The following UBE2Q2 variants were observed in gnomAD, a reference collection of about 807,000 sequenced individuals.
UBE2Q2 encodes ubiquitin conjugating enzyme E2 Q2, also known as ubiquitin-conjugating enzyme E2 Q2.
UBE2Q2 carries 54 observed loss-of-function variants against 59.9 expected under a neutral mutation model. The ratio of observed to expected loss-of-function variants is 0.90; its 90% confidence interval spans 0.72 to 1.13. The LOEUF is 1.13. Among genes scored for constraint, UBE2Q2 ranks in the 50% most tolerant of loss-of-function variants. The probability of loss-of-function intolerance (pLI) is 0.00; values close to 1 mark genes in which losing one functional copy is unlikely to be tolerated. For synonymous variants in UBE2Q2, 165 were observed against 155.2 expected, an observed-to-expected ratio of 1.06 and a Z score of -0.47; for missense variants, 433 against 441.9, an observed-to-expected ratio of 0.98 and a Z score of 0.18.
intron 3 of UBE2Q2, among the ~76,000 whole-genome samples, chr15:75,864,336 T>G (rs1321607961): frequency 6.6e-6 from 1 of 152,052 alleles, no homozygotes; most frequent in Non-Finnish European, 1.5e-5. Flanking sequence ...TTTGGAAATA[T>G]CTGGAGCCAT....
chr15:75,874,678 C>A (rs1382689828), intron 5 of UBE2Q2, among the ~76,000 whole-genome samples: 1 of 152,154 alleles, frequency 6.6e-6, no homozygotes, highest in East Asian at 1.9e-4. Context: ...CTTTCCTCAG[C>A]TCTAAAATAT....
intron 8 of UBE2Q2, among the ~76,000 whole-genome samples, chr15:75,879,436 TGTG>T (rs1205089742): frequency 1.3e-5 from 2 of 152,128 alleles, no homozygotes; most frequent in African/African-American, 2.4e-5. Flanking sequence ...AATGGAGAAT[TGTG>T]GTGTTTATAA....
chr15:75,844,764 C>G (rs542939615), intron 1 of UBE2Q2, among the ~76,000 whole-genome samples: 2 of 152,232 alleles, frequency 1.3e-5, no homozygotes. Context: ...GCAGAATATT[C>G]TCTTGGTTAT....
chr15:75,894,846 G>T (rs1246157654), intron 11 of UBE2Q2, among the ~76,000 whole-genome samples: 1 of 151,780 alleles, frequency 6.6e-6, no homozygotes, highest in Non-Finnish European at 1.5e-5. Flanking sequence ...GGAGTTTCAG[G>T]GTATGTATAG....
intron 3 of UBE2Q2, 51 bp from the exon 4 acceptor site, chr15:75,868,900 C>T: frequency 6.5e-7 from 1 of 1,543,876 alleles, no homozygotes; most frequent in Non-Finnish European, 8.9e-7. Flanking sequence ...ATGTACTCAG[C>T]CTGTGCATAT....
At position 75,868,968 on chromosome 15, in the gene UBE2Q2, A is replaced by C. The variant is rs756285020; in HGVS notation, c.405A>C (p.Glu135Asp). Residue 135 changes from glutamate to aspartate, a missense_variant, in exon 4 of 13, where the codon GAA becomes GAC. Physicochemically the swap from Glu to Asp is conservative, Grantham distance 45. Coordinates refer to ENST00000267938, the MANE Select transcript of UBE2Q2 (RefSeq NM_173469.4). Reference sequence around the variant, plus strand: ...TGTTTCAGAATGGGACAACAGAAGAAGTGACTTCAGAAGAAGAGGAAGAAG... The same window carrying C: ...TGTTTCAGAATGGGACAACAGAAGACGTGACTTCAGAAGAAGAGGAAGAAG... ...LPTGQNGTTE[E>D]VTSEEEEEEE... The C allele has an allele frequency of 1.2e-6, 2 of 1,613,010 alleles. No individual in the cohort carries two copies. Among genetic ancestry groups the C allele is most frequent in the Admixed American group, 3.3e-5 (2 of 59,998 alleles).
chr15:75,873,393 G>C lies in UBE2Q2; in HGVS notation c.448-35G>C, dbSNP rs1347925914. ...CATAAGAAACTGCTGAAGAAAAATA[G>C]GTTGAATAAGCTAACATTTTTCGTC... On this transcript the variant is annotated intron_variant, in intron 4 of 12. Coordinates refer to ENST00000267938, the MANE Select transcript of UBE2Q2 (RefSeq NM_173469.4). The C allele has an allele frequency of 2.6e-6, 4 of 1,554,228 alleles. No homozygotes were observed. The African/African-American group carries it at 4.2e-5, about 16-fold the overall frequency.
At chr15:75,871,719 AG>A (rs1897805579) in intron 4 of UBE2Q2, among the ~76,000 whole-genome samples, 2 of 152,330 alleles carry the variant, frequency 1.3e-5, no homozygotes, top group Admixed American at 6.5e-5. Flanking sequence ...CAGAATCTCA[AG>A]GCAGAAGAAT....
rs560881880 is a variant in UBE2Q2 at position 75,851,408 on chromosome 15, G to A, written c.181-2978G>A. Among the ~76,000 whole-genome samples the A allele has an allele frequency of 4.6e-5, 7 of 151,808 alleles. No homozygotes were observed. In the South Asian group the frequency reaches 6.3e-4, roughly 14 times the overall value. On this transcript the variant is annotated intron_variant, in intron 1 of 12. Transcript: ENST00000267938. ...TGCATTGGTCATTTAGAAAATAGTG[G>A]TTCACCGAGATCTTCTAAATGTTGA...
In UBE2Q2 at chr15:75,899,488, T is replaced by C. The variant is rs183725767; in HGVS notation, c.*30T>C. ...GTTGACTGTTGTATGTTTGGACTAA[T>C]GTTGCTTTAAAGAAAATCTTTCTAA... On this transcript the variant is annotated 3_prime_UTR_variant, in exon 13 of 13. Coordinates refer to ENST00000267938, the MANE Select transcript of UBE2Q2 (RefSeq NM_173469.4). 5 of 1,584,096 alleles carry C rather than the reference T, an allele frequency of 3.2e-6. No individual in the cohort carries two copies. In the African/African-American group the frequency reaches 4.1e-5, roughly 13 times the overall value.
intron 6 of UBE2Q2, among the ~76,000 whole-genome samples, chr15:75,877,212 A>G (rs933917149): frequency 1.3e-5 from 2 of 149,890 alleles, no homozygotes; most frequent in Non-Finnish European, 3.0e-5. Context: ...TTCTAGCATT[A>G]TGACCGATTC....
At chr15:75,863,043 G>T (rs911174304) in intron 3 of UBE2Q2, among the ~76,000 whole-genome samples, 1 of 152,136 alleles carries the variant, frequency 6.6e-6, no homozygotes, top group Non-Finnish European at 1.5e-5. Context: ...CTTAGGTTCT[G>T]CTTAAGGAGA....
intron 1 of UBE2Q2, among the ~76,000 whole-genome samples, chr15:75,853,439 C>T (rs184458649): frequency 7.3e-4 from 111 of 151,224 alleles, no homozygotes; most frequent in African/African-American, 2.6e-3. Context: ...CCATGCACTC[C>T]GCCTGGGCCA....
In UBE2Q2 at chr15:75,843,487, C is replaced by G. The variant is rs1011462818; in HGVS notation, c.-180C>G. On this transcript the variant is annotated 5_prime_UTR_variant, in exon 1 of 13. Coordinates refer to ENST00000267938, the MANE Select transcript of UBE2Q2 (RefSeq NM_173469.4). The stretch of plus-strand genomic sequence containing the variant: ...AAAGGAAGCGCCACCCAGGCCGCCA[C>G]ACGCCGAGGCTTCCGCGCCCCTCGC... The G allele has an allele frequency of 1.7e-5, 5 of 291,438 alleles. No individual in the cohort carries two copies. The highest frequency in any genetic ancestry group is 1.1e-4 in the African/African-American group (5 of 44,538). The allele number at this position is 291,438 out of a possible 1,614,324, so 18.1% of individuals were successfully genotyped here. A position where few individuals can be genotyped will look rare whatever the true frequency, so the allele number is the denominator to read the frequency against.
intron 2 of UBE2Q2, among the ~76,000 whole-genome samples, chr15:75,856,253 G>C (rs1484516779): frequency 1.0e-5 from 1 of 98,620 alleles, no homozygotes; most frequent in Non-Finnish European, 2.2e-5. Context: ...ATACGTGTGT[G>C]TGTGTGTGTG....
At chr15:75,876,083 A>AAAAATT in intron 5 of UBE2Q2, 104 bp from the exon 6 acceptor site, 2 of 1,130,676 alleles carry the variant, frequency 1.8e-6, no homozygotes, top group African/African-American at 1.6e-5. Flanking sequence ...AAAAAAAAAA[A>AAAAATT]TGTTGAGTGG....
intron 3 of UBE2Q2, 46 bp from the exon 4 acceptor site, chr15:75,868,905 G>A: frequency 6.4e-7 from 1 of 1,568,706 alleles, no homozygotes; most frequent in Admixed American, 1.7e-5. Context: ...CTCAGCCTGT[G>A]CATATTTGTT....
intron 4 of UBE2Q2, among the ~76,000 whole-genome samples, chr15:75,869,877 C>G (rs1897692338): frequency 6.6e-6 from 1 of 152,162 alleles, no homozygotes; most frequent in South Asian, 2.1e-4. Flanking sequence ...CATTTAAATT[C>G]AAACTTCAGA....
At chr15:75,881,421 G>A (rs1360095477) in intron 8 of UBE2Q2, among the ~76,000 whole-genome samples, 3 of 152,046 alleles carry the variant, frequency 2.0e-5, no homozygotes, top group Non-Finnish European at 4.4e-5. Flanking sequence ...GATCTGGGAG[G>A]TAAATGGCTG....
Sources: gnomAD v4.1 joint callset for allele counts (sites outside exome capture counted in the v4.1 genomes callset) on GRCh38, gnomAD v4.1.1 for gene constraint, MANE v1.5 for transcripts, NCBI Gene and HGNC (gene_info 2026-07-23, HGNC 2026-07-21) for gene names.